GRM8: variants seen among roughly 807,000 people sequenced by gnomAD.
GRM8 encodes glutamate metabotropic receptor 8, also known as metabotropic glutamate receptor 8.
A neutral mutation model predicts 87.2 loss-of-function variants in GRM8; 47 were observed. That is an observed-to-expected ratio of 0.54 (90% CI 0.43 to 0.69). The LOEUF is 0.69. GRM8 is among the 30% of genes least tolerant of loss of function. GRM8 has a pLI of 0.00. For missense variants in GRM8, 1,019 were observed against 1,139.2 expected (o/e 0.89, Z 1.52); for synonymous variants, 396 against 404.5 (o/e 0.98, Z 0.25).
chr7:126,814,064 C>T (rs1793540855), intron 6 of GRM8, among the ~76,000 whole-genome samples: 1 of 152,022 alleles, frequency 6.6e-6, no homozygotes, highest in African/African-American at 2.4e-5. Context: ...TCCACCTGCT[C>T]AGAGAATTAC....
At chr7:127,224,186 T>C (rs918861689) in intron 2 of GRM8, among the ~76,000 whole-genome samples, 17 of 152,074 alleles carry the variant, frequency 1.1e-4, no homozygotes, top group Admixed American at 5.2e-4. Flanking sequence ...CTTTCCAAAG[T>C]TGGCAAAAGA....
chr7:126,571,890 G>A (rs985303983), intron 8 of GRM8, among the ~76,000 whole-genome samples: 1 of 151,926 alleles, frequency 6.6e-6, no homozygotes, highest in Non-Finnish European at 1.5e-5. Context: ...ACAGATGCAT[G>A]CCACCATGCC....
chr7:126,929,359 T>A (rs1262881213), intron 3 of GRM8, among the ~76,000 whole-genome samples: 3 of 152,218 alleles, frequency 2.0e-5, no homozygotes, highest in Non-Finnish European at 2.9e-5. Flanking sequence ...GCCACTAGCG[T>A]CATAGGACAA....
intron 8 of GRM8, among the ~76,000 whole-genome samples, chr7:126,582,822 T>G (rs1894733): frequency 0.31 from 46,981 of 152,112 alleles, 8,134 homozygotes; most frequent in East Asian, 0.44. Flanking sequence ...TGTAGTTTCA[T>G]GTATGTTGGT....
chr7:127,063,323 C>T (rs17866407), intron 3 of GRM8, among the ~76,000 whole-genome samples: 1,537 of 152,222 alleles, frequency 0.01, 28 homozygotes, highest in African/African-American at 0.035. Context: ...TGCCTGTAAT[C>T]CCAGCACTTA....
rs1349745777 is a variant in GRM8, at chr7:126,875,975, T to C, written c.1156+26567A>G. ...AGTAGTATTCATAGACCCAACACAA[T>C]CTCTTCTTGTCTTTAATGTGACGTT... On this transcript the variant is annotated intron_variant, in intron 6 of 10. Transcript: ENST00000339582. Among the ~76,000 whole-genome samples, 8 of 152,090 alleles carry C rather than the reference T, an allele frequency of 5.3e-5. No individual in the cohort carries two copies. In the South Asian group the frequency reaches 1.5e-3, roughly 28 times the overall value.
chr7:126,966,405 G>A (rs1809869201), intron 3 of GRM8, among the ~76,000 whole-genome samples: 1 of 152,132 alleles, frequency 6.6e-6, no homozygotes, highest in Non-Finnish European at 1.5e-5. Context: ...AAAGTGCTGG[G>A]ATTACAGTCA....
chr7:126,464,560 A>G (rs1804273773), intron 9 of GRM8, among the ~76,000 whole-genome samples: 1 of 150,832 alleles, frequency 6.6e-6, no homozygotes, highest in Admixed American at 6.6e-5. Flanking sequence ...TTCCTTCCTG[A>G]CTTCCTTTCA....
At chr7:126,912,053 T>C (rs1230078527) in intron 3 of GRM8, among the ~76,000 whole-genome samples, 1 of 151,866 alleles carries the variant, frequency 6.6e-6, no homozygotes, top group African/African-American at 2.4e-5. Flanking sequence ...AAAAATTAGC[T>C]GGGCATAGTG....
intron 6 of GRM8, among the ~76,000 whole-genome samples, chr7:126,806,578 CA>C (rs1156283623): frequency 1.3e-5 from 2 of 152,240 alleles, no homozygotes; most frequent in Non-Finnish European, 2.9e-5. Context: ...GGTGCATTTA[CA>C]AACCTTTGGC....
chr7:126,790,116 T>C (rs1821121666), intron 6 of GRM8, among the ~76,000 whole-genome samples: 1 of 152,070 alleles, frequency 6.6e-6, no homozygotes, highest in Non-Finnish European at 1.5e-5. Flanking sequence ...CAAATGATTC[T>C]CCTGCCTCAG....
intron 3 of GRM8, among the ~76,000 whole-genome samples, 184 bp downstream of exon 3, chr7:127,106,312 T>C (rs1303658612): frequency 1.3e-5 from 2 of 152,202 alleles, no homozygotes; most frequent in African/African-American, 4.8e-5. Flanking sequence ...AAGTGTCACC[T>C]TGATAGACCT....
At chr7:126,573,422 G>A (rs1265942611) in intron 8 of GRM8, among the ~76,000 whole-genome samples, 1 of 152,062 alleles carries the variant, frequency 6.6e-6, no homozygotes, top group East Asian at 1.9e-4. Flanking sequence ...TCAAAAAGCT[G>A]TAACCAAAAA....
chr7:126,672,647 G>T (rs563928285), intron 7 of GRM8, among the ~76,000 whole-genome samples: 1 of 152,276 alleles, frequency 6.6e-6, no homozygotes, highest in Non-Finnish European at 1.5e-5. Flanking sequence ...ACAACATGCT[G>T]GCAAAAGGGT....
At chr7:126,928,488 G>A (rs1011573421) in intron 3 of GRM8, among the ~76,000 whole-genome samples, 3 of 151,872 alleles carry the variant, frequency 2.0e-5, no homozygotes, top group Non-Finnish European at 2.9e-5. Context: ...CCTGGGCAAC[G>A]TGATGAAACC....
chr7:127,037,636 C>A (rs1480862606), intron 3 of GRM8, among the ~76,000 whole-genome samples: 1 of 152,132 alleles, frequency 6.6e-6, no homozygotes, highest in Non-Finnish European at 1.5e-5. Flanking sequence ...CTCACAATTT[C>A]AAAGGAGGAT....
rs182297194 is a variant in GRM8 at position 126,474,608 on chromosome 7, A to G, written c.2431-28236T>C. Among the ~76,000 whole-genome samples, 222 of 152,284 alleles carry G rather than the reference A, an allele frequency of 1.5e-3. 6 individuals carry two copies. The highest frequency in any genetic ancestry group is 0.014 in the Admixed American group (217 of 15,288). The stretch of plus-strand genomic sequence containing the variant: ...TAGCTGAAAACCTATGTTCATCCTG[A>G]AAAGACTTTAAAGAGTCCTAGAGAT... On this transcript the variant is annotated intron_variant, in intron 9 of 10. Coordinates refer to ENST00000339582, the MANE Select transcript of GRM8 (RefSeq NM_000845.3).
chr7:126,580,967 GA>G (rs35753053), intron 8 of GRM8, among the ~76,000 whole-genome samples: 19,413 of 150,326 alleles, frequency 0.13, 1,551 homozygotes, highest in South Asian at 0.17. Flanking sequence ...TAAAAAAATA[GA>G]AAAAAAAACA....
intron 5 of GRM8, among the ~76,000 whole-genome samples, chr7:126,903,203 C>T (rs1176214356): frequency 1.3e-5 from 2 of 152,012 alleles, no homozygotes; most frequent in Non-Finnish European, 2.9e-5. Context: ...TGTCGGTTTG[C>T]TCAGGTAACT....
Sources: allele counts gnomAD v4.1 joint callset (sites outside exome capture counted in the v4.1 genomes callset), GRCh38; gene constraint gnomAD v4.1.1; transcripts MANE v1.5; gene names NCBI Gene and HGNC (gene_info 2026-07-23, HGNC 2026-07-21).